Variants in JPH3 observed in about 807,000 individuals in gnomAD.
JPH3 encodes the protein junctophilin-3.
JPH3 carries 11 observed loss-of-function variants against 59.6 expected under a neutral mutation model. The observed-to-expected ratio is 0.18, with a 90% CI of 0.12 to 0.31. JPH3 has a LOEUF of 0.31. Among genes scored for constraint, JPH3 ranks in the 10% least tolerant of loss-of-function variants. The pLI is 1.00. For missense variants in JPH3, 1,202 were observed against 1,105.7 expected (o/e 1.09, Z -1.24); for synonymous variants, 673 against 483.6 (o/e 1.39, Z -5.14).
intron 1 of JPH3, among the ~76,000 whole-genome samples, chr16:87,608,513 G>C (rs2030611823): frequency 6.6e-6 from 1 of 152,154 alleles, no homozygotes; most frequent in Admixed American, 6.5e-5. Context: ...GCTGCACTGG[G>C]GTCCTGGCTC....
At chr16:87,645,997 C>G (rs1187140374) in intron 2 of JPH3, among the ~76,000 whole-genome samples, 5 of 152,352 alleles carry the variant, frequency 3.3e-5, no homozygotes, top group South Asian at 4.1e-4. Context: ...CTGGGCCAGA[C>G]GAGGGCCCTT....
In JPH3 at chr16:87,690,426, G is replaced by C; in HGVS notation, c.2066G>C (p.Arg689Pro). 1 of 1,499,342 alleles carries C rather than the reference G, an allele frequency of 6.7e-7. No homozygotes were observed. The highest frequency in any genetic ancestry group is 8.9e-7 in the Non-Finnish European group (1 of 1,127,242). 92.9% of individuals were successfully genotyped at this position (1,499,342 alleles called of 1,614,324 possible). The change falls in exon 4 of 5, where the codon CGG becomes CCG. Residue 689 changes from arginine to proline, a missense_variant. Arg to Pro is a moderately radical substitution (Grantham distance 103). Transcript: ENST00000284262. ...CTGCGGCTGGGCGGGGCCGAGCCCC[G>C]GTTGCTGCGTTGGGACTTGACCTTC... ...ASLRLGGAEPRLLRWDLTFSP... is the reference protein window; with the variant it reads ...ASLRLGGAEPPLLRWDLTFSP...
chr16:87,661,099 T>C (rs945664433), intron 2 of JPH3, among the ~76,000 whole-genome samples: 1 of 152,224 alleles, frequency 6.6e-6, no homozygotes, highest in African/African-American at 2.4e-5. Flanking sequence ...AGGGAGAATG[T>C]GTTCCTTGCC....
intron 2 of JPH3, among the ~76,000 whole-genome samples, chr16:87,649,432 A>C (rs2032260058): frequency 6.6e-6 from 1 of 152,338 alleles, no homozygotes; most frequent in Non-Finnish European, 1.5e-5. Context: ...GGACATAGGA[A>C]TTCATCACAG....
At chr16:87,677,094 G>A (rs1035311234) in intron 2 of JPH3, among the ~76,000 whole-genome samples, 6 of 151,364 alleles carry the variant, frequency 4.0e-5, no homozygotes, top group African/African-American at 1.5e-4. Context: ...GGGAGGTGGA[G>A]CTTACAGTGA....
intron 4 of JPH3, among the ~76,000 whole-genome samples, chr16:87,691,093 C>CG (rs968177550): frequency 8.0e-5 from 12 of 150,682 alleles, no homozygotes; most frequent in East Asian, 1.9e-4. Flanking sequence ...AGCACCCCCC[C>CG]CCCAAATTCG....
chr16:87,644,455 G>A lies in JPH3; in HGVS notation c.580G>A (p.Gly194Arg), dbSNP rs1324136536. 4.3e-6 allele frequency: 7 copies of A among 1,612,428 alleles called. No homozygotes were observed. The highest frequency in any genetic ancestry group is 2.2e-5 in the East Asian group (1 of 44,858). ...GGCCGGCAGCCCGGCCGTGTCCCGC[G>A]GGGGCTTCGTGCTCGTGGCCCACAG... is the stretch of plus-strand genomic sequence containing the variant. ...AVAGSPAVSR[G>R]GFVLVAHSDS... The change falls in exon 2 of 5, where the codon GGG becomes AGG. Residue 194 changes from glycine to arginine, a missense_variant. Physicochemically the swap from Gly to Arg is moderately radical, Grantham distance 125. Coordinates refer to ENST00000284262, the MANE Select transcript of JPH3 (RefSeq NM_020655.4).
chr16:87,607,478 C>T (rs971736160), intron 1 of JPH3, among the ~76,000 whole-genome samples: 13 of 152,250 alleles, frequency 8.5e-5, no homozygotes, highest in Non-Finnish European at 1.3e-4. Context: ...ACCTGCCACC[C>T]GGAGACATTT....
intron 2 of JPH3, among the ~76,000 whole-genome samples, chr16:87,651,683 G>A (rs940276433): frequency 6.6e-5 from 10 of 152,254 alleles, no homozygotes; most frequent in African/African-American, 1.9e-4. Context: ...GCAAGCTCAC[G>A]ACCACACTCG....
At chr16:87,689,577 G>T (rs144530113) in intron 3 of JPH3, 69 bp from the exon 4 acceptor site, 3 of 1,520,476 alleles carry the variant, frequency 2.0e-6, no homozygotes, top group Non-Finnish European at 2.7e-6. Context: ...GCCCTGGCCC[G>T]GGGACCGCGG....
At chr16:87,613,095 C>CTCT (rs1567581621) in intron 1 of JPH3, among the ~76,000 whole-genome samples, 1 of 128,732 alleles carries the variant, frequency 7.8e-6, no homozygotes, top group African/African-American at 3.0e-5. Flanking sequence ...CTTTCTTTCT[C>CTCT]TTTTTTTTTT....
intron 1 of JPH3, among the ~76,000 whole-genome samples, chr16:87,641,801 A>G (rs12447960): frequency 0.18 from 27,072 of 152,280 alleles, 2,876 homozygotes; most frequent in African/African-American, 0.28. Context: ...GCTGGGCCAT[A>G]TGCCACATGG....
chr16:87,612,443 A>C (rs2030764346), intron 1 of JPH3, among the ~76,000 whole-genome samples: 1 of 152,124 alleles, frequency 6.6e-6, no homozygotes, highest in Non-Finnish European at 1.5e-5. Context: ...GAGCAACTGC[A>C]CCTGGCCTGA....
At chr16:87,637,106 T>A (rs548303937) in intron 1 of JPH3, among the ~76,000 whole-genome samples, 60 of 152,348 alleles carry the variant, frequency 3.9e-4, no homozygotes, top group African/African-American at 1.2e-3. Flanking sequence ...CGTTCTTTTA[T>A]CTTAGGAGTC....
Position 87,644,304 on chromosome 16 carries a change from C to T in JPH3, c.429C>T (p.Gly143=), listed in dbSNP as rs372955481. 3.6e-5 allele frequency: 58 copies of T among 1,612,392 alleles called. No individual in the cohort carries two copies. The highest frequency in any genetic ancestry group is 1.2e-4 in the Admixed American group (7 of 59,948). ...TCGGTGGCATGCGCCAGGGCTACGG[C>T]GTCCGGCAGAGCGTCCCGTATGGCA... ...QWVGGMRQGY[G]VRQSVPYGMA... The change falls in exon 2 of 5, where the codon GGC becomes GGT. Residue 143 remains glycine, a synonymous_variant. Coordinates refer to ENST00000284262, the MANE Select transcript of JPH3 (RefSeq NM_020655.4).
At chr16:87,695,925 C>A in intron 4 of JPH3, 1 of 456,084 alleles carries the variant, frequency 2.2e-6, no homozygotes, top group Non-Finnish European at 4.4e-6. Context: ...CCGGCGGAGG[C>A]TGAGGACTTG....
In JPH3 at chr16:87,690,958, T is replaced by A. The variant is rs545476599; in HGVS notation, c.2166+432T>A. 5.9e-5 allele frequency among the ~76,000 whole-genome samples: 9 copies of A among 152,258 alleles called. No homozygotes were observed. The South Asian group carries it at 6.2e-4, about 11-fold the overall frequency. On this transcript the variant is annotated intron_variant, in intron 4 of 4. Transcript: ENST00000284262. Reference sequence around the variant, plus strand: ...CTGGGGGCAAGGCTGGCCCTGGGGCTGGGAGTCAGGTCTGGGGTTGGGGGG... The same window carrying A: ...CTGGGGGCAAGGCTGGCCCTGGGGCAGGGAGTCAGGTCTGGGGTTGGGGGG...
At chr16:87,677,185 T>TACACACACAC (rs764055221) in intron 2 of JPH3, among the ~76,000 whole-genome samples, 11 of 95,196 alleles carry the variant, frequency 1.2e-4, no homozygotes, top group African/African-American at 4.7e-4. Flanking sequence ...TATATATATA[T>TACACACACAC]ACACACACAC....
At position 87,690,080 on chromosome 16, in the gene JPH3, C is replaced by T. The variant is rs1047097758; in HGVS notation, c.1720C>T (p.Arg574Trp). The change falls in exon 4 of 5, where the codon CGG becomes TGG. Residue 574 changes from arginine to tryptophan, a missense_variant. Physicochemically the swap from Arg to Trp is moderately radical, Grantham distance 101 (BLOSUM62 -3). Coordinates refer to ENST00000284262, the MANE Select transcript of JPH3 (RefSeq NM_020655.4). ...GCCCGGGAACCCCAAGCCGCGGGAG[C>T]GGCGGACGGAGTCACCCCCCGTGTT... Reference protein sequence around the residue: ...KQPGNPKPRERRTESPPVFTW... With the variant: ...KQPGNPKPREWRTESPPVFTW... The T allele has an allele frequency of 3.2e-6, 5 of 1,570,218 alleles. No homozygotes were observed. The highest frequency in any genetic ancestry group is 1.4e-5 in the African/African-American group (1 of 73,334).
Sources: allele counts gnomAD v4.1 joint callset (sites outside exome capture counted in the v4.1 genomes callset), GRCh38; gene constraint gnomAD v4.1.1; transcripts MANE v1.5; gene names NCBI Gene and HGNC (gene_info 2026-07-23, HGNC 2026-07-21).